Variants in PCBP2 observed in about 807,000 individuals in gnomAD.
The protein encoded by PCBP2 is poly(rC)-binding protein 2.
PCBP2 carries 4 observed loss-of-function variants against 50.1 expected under a neutral mutation model. The ratio of observed to expected loss-of-function variants is 0.08; its 90% CI spans 0.04 to 0.18. The LOEUF (loss-of-function observed/expected upper bound fraction) is 0.18, where lower values mean the gene tolerates loss of function less well. Among genes scored for constraint, PCBP2 ranks in the 10% least tolerant of loss-of-function variants. PCBP2 has a pLI of 1.00. For missense variants in PCBP2, 161 were observed against 474.3 expected (o/e 0.34, Z 6.14); for synonymous variants, 179 against 168.0 (o/e 1.07, Z -0.51).
intron 4 of PCBP2, among the ~76,000 whole-genome samples, 159 bp from the exon 5 acceptor site, chr12:53,455,726 A>G (rs1940959980): frequency 6.6e-6 from 1 of 152,022 alleles, no homozygotes; most frequent in Non-Finnish European, 1.5e-5. Context: ...GCTGTAGGCT[A>G]TCTTTGAGGA....
At chr12:53,465,094 ACTC>A in intron 9 of PCBP2, 1 of 303,612 alleles carries the variant, frequency 3.3e-6, no homozygotes, top group South Asian at 1.2e-4. Flanking sequence ...CCCCTCTCCC[ACTC>A]CTCCCACCCC....
At chr12:53,466,716 G>A (rs569692142) in intron 10 of PCBP2, among the ~76,000 whole-genome samples, 1 of 152,234 alleles carries the variant, frequency 6.6e-6, no homozygotes, top group South Asian at 2.1e-4. Flanking sequence ...AATAGCTGTA[G>A]TAGTCAGTGG....
chr12:53,478,472 C>T (rs935675610), intron 14 of PCBP2, among the ~76,000 whole-genome samples: 7 of 151,710 alleles, frequency 4.6e-5, no homozygotes, highest in African/African-American at 1.7e-4. Context: ...TGCGCCATTG[C>T]ACTCCAGCCT....
chr12:53,469,492 G>A (rs1365288696), intron 13 of PCBP2, among the ~76,000 whole-genome samples: 2 of 151,772 alleles, frequency 1.3e-5, no homozygotes, highest in Non-Finnish European at 2.9e-5. Context: ...AGGCCGAGGC[G>A]GGTGGATCAC....
intron 10 of PCBP2, among the ~76,000 whole-genome samples, chr12:53,466,665 T>C (rs1284342967): frequency 6.6e-6 from 1 of 152,182 alleles, no homozygotes; most frequent in Admixed American, 6.5e-5. Flanking sequence ...TGAAGAAGGA[T>C]TATTTTATGA....
intron 5 of PCBP2, among the ~76,000 whole-genome samples, chr12:53,457,970 C>T (rs1941159374): frequency 6.6e-6 from 1 of 152,250 alleles, no homozygotes; most frequent in African/African-American, 2.4e-5. Context: ...TCCTTGTCGC[C>T]CAGGCTGGAG....
chr12:53,455,811 T>A (rs934149053), intron 4 of PCBP2, 74 bp from the exon 5 acceptor site: 1 of 994,322 alleles, frequency 1.0e-6, no homozygotes. Flanking sequence ...GGCAGTCTTA[T>A]AAGGGACTGT....
In PCBP2 at chr12:53,455,644, G is replaced by GTT. The variant is rs1476730854; in HGVS notation, c.126+152_126+153insTT. The GTT allele has an allele frequency of 1.5e-5, 13 of 848,644 alleles. 1 individual carries two copies. The African/African-American group carries it at 2.1e-4, about 14-fold the overall frequency. The allele number at this position is 848,644 out of a possible 1,614,324, so 52.6% of individuals were successfully genotyped here. The stretch of plus-strand genomic sequence containing the variant: ...TATTTGTAGTGATAATCTGGGGAGT[G>GTT]TATTTTTTTTTTCCCCTTTTTGGGA... On this transcript the variant is annotated intron_variant, in intron 4 of 14. Transcript: ENST00000546463.
At chr12:53,478,863 T>G (rs961396217) in intron 14 of PCBP2, among the ~76,000 whole-genome samples, 1 of 148,848 alleles carries the variant, frequency 6.7e-6, no homozygotes, top group African/African-American at 2.5e-5. Flanking sequence ...TTTACATCTC[T>G]TTTTAACATT....
intron 5 of PCBP2, among the ~76,000 whole-genome samples, chr12:53,458,587 A>T (rs1232053698): frequency 6.6e-6 from 1 of 150,780 alleles, no homozygotes; most frequent in African/African-American, 2.4e-5. Flanking sequence ...GATTACAGGC[A>T]TGAGCCGCCG....
At chr12:53,455,568 G>A (rs1940942847) in intron 4 of PCBP2, 75 bp downstream of exon 4, 73 of 1,474,418 alleles carry the variant, frequency 5.0e-5, no homozygotes, top group Non-Finnish European at 6.8e-5. Context: ...TTCTTTTTCA[G>A]AAATTAGGAA....
At chr12:53,473,010 G>A (rs1942341981) in intron 14 of PCBP2, among the ~76,000 whole-genome samples, 1 of 152,060 alleles carries the variant, frequency 6.6e-6, no homozygotes, top group South Asian at 2.1e-4. Context: ...GTTTCATGTT[G>A]GTCAGGCTCG....
In PCBP2 at chr12:53,480,784, AGAGTAAACG is replaced by A. The variant is rs1942999453; in HGVS notation, c.*1345_*1353del. 1 of 152,652 alleles carries A rather than the reference AGAGTAAACG, an allele frequency of 6.6e-6. No homozygotes were observed. Among genetic ancestry groups the A allele is most frequent in the Non-Finnish European group, 1.5e-5 (1 of 68,058 alleles). The allele number at this position is 152,652 out of a possible 1,614,324, so 9.5% of individuals were successfully genotyped here. ...CCTCCCAAGTGCAAAATGTGTAAAC[AGAGTAAACG>A]GAACAGAAAAGTGCAGTCTAAGTGG... is the stretch of plus-strand genomic sequence containing the variant. On this transcript the variant is annotated 3_prime_UTR_variant, in exon 15 of 15. Transcript: ENST00000546463.
chr12:53,460,299 C>A, intron 6 of PCBP2: 1 of 307,116 alleles, frequency 3.3e-6, no homozygotes, highest in Non-Finnish European at 6.6e-6. Context: ...TCCACAATGC[C>A]CGGCTAATTT....
At chr12:53,464,120 A>G (rs1033551731) in intron 8 of PCBP2, among the ~76,000 whole-genome samples, 2 of 152,076 alleles carry the variant, frequency 1.3e-5, no homozygotes, top group Non-Finnish European at 2.9e-5. Flanking sequence ...CGCCAGAAGG[A>G]TTTAGCCTTA....
At chr12:53,469,986 T>TC (rs545930789) in intron 13 of PCBP2, among the ~76,000 whole-genome samples, 1,722 of 151,116 alleles carry the variant, frequency 0.011, 9 homozygotes, top group Non-Finnish European at 0.016. Flanking sequence ...CCTTACGTGA[T>TC]CCCCCCCCTT....
chr12:53,462,682 A>G (rs1037248136), intron 8 of PCBP2, 115 bp downstream of exon 8: 2 of 715,008 alleles, frequency 2.8e-6, no homozygotes, highest in Admixed American at 3.0e-5. Context: ...TACTCTGGCC[A>G]TAGTTTGACC....
intron 14 of PCBP2, chr12:53,475,042 C>T (rs950140266): frequency 2.0e-5 from 9 of 456,414 alleles, no homozygotes; most frequent in East Asian, 6.9e-5. Flanking sequence ...AACCCTCTTC[C>T]GACCGCCCCT....
intron 4 of PCBP2, 80 bp downstream of exon 4, chr12:53,455,573 T>C: frequency 2.8e-6 from 4 of 1,416,644 alleles, no homozygotes; most frequent in Non-Finnish European, 4.0e-6. Context: ...TTTCAGAAAT[T>C]AGGAAGGTCT....
Sources: allele counts gnomAD v4.1 joint callset (sites outside exome capture counted in the v4.1 genomes callset), GRCh38; gene constraint gnomAD v4.1.1; transcripts MANE v1.5; gene names NCBI Gene and HGNC (gene_info 2026-07-23, HGNC 2026-07-21).